The following FILIP1L variants were observed in gnomAD, a reference collection of about 807,000 sequenced individuals.
The protein encoded by FILIP1L is filamin A-interacting protein 1-like.
FILIP1L carries 55 observed loss-of-function variants against 96.6 expected under a neutral mutation model. The ratio of observed to expected loss-of-function variants is 0.57; its 90% CI spans 0.46 to 0.71. The LOEUF is 0.71. Ranked by LOEUF, FILIP1L falls within the 30% of genes least tolerant of loss-of-function variation. The pLI is 0.00. For missense variants in FILIP1L, 1,304 were observed against 1,321.2 expected (o/e 0.99, Z 0.20); for synonymous variants, 467 against 473.9 (o/e 0.99, Z 0.19).
chr3:99,967,361 T>C (rs1708684697), intron 1 of FILIP1L, among the ~76,000 whole-genome samples: 1 of 152,224 alleles, frequency 6.6e-6, no homozygotes, highest in South Asian at 2.1e-4. Flanking sequence ...GCACTTTACA[T>C]GCATTGAGAG....
At chr3:100,000,425 G>A (rs191174805) in intron 1 of FILIP1L, among the ~76,000 whole-genome samples, 23 of 152,228 alleles carry the variant, frequency 1.5e-4, no homozygotes, top group Non-Finnish European at 1.2e-4. Flanking sequence ...TGTGAATGTC[G>A]TCAGCTGTAG....
intron 1 of FILIP1L, among the ~76,000 whole-genome samples, chr3:100,110,504 G>GA (rs2066473154): frequency 6.6e-6 from 1 of 151,952 alleles, no homozygotes; most frequent in Non-Finnish European, 1.5e-5. Flanking sequence ...CACAAATAGA[G>GA]AAAAAAGTAG....
chr3:99,858,694 T>C (rs893856830), intron 4 of FILIP1L, among the ~76,000 whole-genome samples: 2 of 152,168 alleles, frequency 1.3e-5, no homozygotes, highest in African/African-American at 4.8e-5. Context: ...TCACACGTCA[T>C]GGAGCCTCTG....
At position 99,848,707 on chromosome 3, in the gene FILIP1L, CA is replaced by C; in HGVS notation, c.2968del (p.Cys990ValfsTer4). 1 of 1,614,160 alleles carries C rather than the reference CA, an allele frequency of 6.2e-7. No homozygotes were observed. Among genetic ancestry groups the C allele is most frequent in the Non-Finnish European group, 8.5e-7 (1 of 1,180,036 alleles). Reference sequence around the variant, plus strand: ...TGTCCTTTCTGGAGTTAGAGAACCACAAGACTCTGGGGTCTGTGCTCTGGCA... The same window carrying C: ...TGTCCTTTCTGGAGTTAGAGAACCACAGACTCTGGGGTCTGTGCTCTGGCA... ...TFARAQTPES[C>X]GSLTPERTMS... is the part of the protein sequence containing the mutation. On this transcript the variant is annotated frameshift_variant, in exon 5 of 6. Transcript: ENST00000477258. LOFTEE classifies it high-confidence loss of function.
intron 1 of FILIP1L, among the ~76,000 whole-genome samples, chr3:100,096,324 A>G (rs565359014): frequency 6.6e-6 from 1 of 152,354 alleles, no homozygotes; most frequent in South Asian, 2.1e-4. Flanking sequence ...TGTTCATTGC[A>G]GCACTGTTCA....
At chr3:99,970,348 G>A (rs866145046) in intron 1 of FILIP1L, among the ~76,000 whole-genome samples, 1 of 152,348 alleles carries the variant, frequency 6.6e-6, no homozygotes, top group Middle Eastern at 3.4e-3. Context: ...AGGCCTTCTG[G>A]TGTGTGAGGT....
intron 5 of FILIP1L, among the ~76,000 whole-genome samples, chr3:99,842,704 AAAG>A (rs998101832): frequency 1.2e-4 from 18 of 152,328 alleles, no homozygotes; most frequent in African/African-American, 4.1e-4. Flanking sequence ...GCCACAAATA[AAAG>A]TGATTATCCC....
rs565324446 is a variant in FILIP1L at position 100,089,542 on chromosome 3, A to C, written c.-11+24511T>G. Among the ~76,000 whole-genome samples the C allele has an allele frequency of 3.9e-5, 6 of 152,338 alleles. No individual in the cohort carries two copies. In the East Asian group the frequency reaches 1.2e-3, roughly 29 times the overall value. On this transcript the variant is annotated intron_variant, in intron 1 of 5. Coordinates refer to ENST00000477258, the MANE Select transcript of FILIP1L (RefSeq NM_001387850.1). Reference sequence around the variant, plus strand: ...TATAAGTCAAAGCCTCATGTCAAGCAAAAAGGATAGGAAGCAGAAACATTT... The same window carrying C: ...TATAAGTCAAAGCCTCATGTCAAGCCAAAAGGATAGGAAGCAGAAACATTT...
At chr3:100,077,897 G>A (rs1480408448) in intron 1 of FILIP1L, among the ~76,000 whole-genome samples, 1 of 152,020 alleles carries the variant, frequency 6.6e-6, no homozygotes, top group Admixed American at 6.5e-5. Context: ...GACAGAATAA[G>A]ACCCTGTCTC....
chr3:99,871,110 A>G (rs1178961441), intron 4 of FILIP1L, among the ~76,000 whole-genome samples: 7 of 152,200 alleles, frequency 4.6e-5, no homozygotes, highest in Admixed American at 4.6e-4. Context: ...TGCCATACAA[A>G]GCAGATTTCA....
At chr3:100,097,254 C>T (rs1166574750) in intron 1 of FILIP1L, among the ~76,000 whole-genome samples, 2 of 152,194 alleles carry the variant, frequency 1.3e-5, no homozygotes, top group African/African-American at 4.8e-5. Context: ...CCATCCCATC[C>T]GTGGAAAAAT....
intron 1 of FILIP1L, among the ~76,000 whole-genome samples, chr3:100,110,578 G>A (rs1009553495): frequency 3.3e-5 from 5 of 152,034 alleles, no homozygotes; most frequent in Non-Finnish European, 5.9e-5. Flanking sequence ...CAGGAAGAAC[G>A]TAAAAAAAGA....
rs550439833 is a variant in FILIP1L at position 99,992,012 on chromosome 3, G to GTA, written c.-10-60984_-10-60983dup. Reference sequence around the variant, plus strand: ...TATATACGTATATATATGTGTGTGTGTATATATATATATACGTGTATATAT... The same window carrying GTA: ...TATATACGTATATATATGTGTGTGTGTATATATATATATATACGTGTATATAT... On this transcript the variant is annotated intron_variant, in intron 1 of 5. Coordinates refer to ENST00000477258, the MANE Select transcript of FILIP1L (RefSeq NM_001387850.1). 7.7e-4 allele frequency among the ~76,000 whole-genome samples: 112 copies of GTA among 145,582 alleles called. 2 individuals carry two copies. The highest frequency in any genetic ancestry group is 7.2e-3 in the Middle Eastern group (2 of 276).
chr3:100,042,635 G>A (rs1031944068), intron 1 of FILIP1L, among the ~76,000 whole-genome samples: 5 of 152,176 alleles, frequency 3.3e-5, no homozygotes, highest in African/African-American at 4.8e-5. Flanking sequence ...CATGCCAGAT[G>A]ATACTGTATT....
chr3:99,969,307 TCTTGAG>T (rs1198175535), intron 1 of FILIP1L, among the ~76,000 whole-genome samples: 1 of 152,214 alleles, frequency 6.6e-6, no homozygotes, highest in African/African-American at 2.4e-5. Flanking sequence ...TTGTTTGGGC[TCTTGAG>T]CAATATGACA....
chr3:99,972,048 T>C (rs1708838369), intron 1 of FILIP1L, among the ~76,000 whole-genome samples: 1 of 152,164 alleles, frequency 6.6e-6, no homozygotes, highest in African/African-American at 2.4e-5. Context: ...ATAGTTTGAC[T>C]AAGCAGTTAA....
intron 1 of FILIP1L, among the ~76,000 whole-genome samples, chr3:100,017,672 C>T (rs879280130): frequency 6.6e-6 from 1 of 152,162 alleles, no homozygotes; most frequent in Non-Finnish European, 1.5e-5. Flanking sequence ...CACCTGTAGT[C>T]CCAGCACTTT....
At chr3:100,044,246 C>T (rs987457320) in intron 1 of FILIP1L, among the ~76,000 whole-genome samples, 2 of 152,106 alleles carry the variant, frequency 1.3e-5, no homozygotes, top group African/African-American at 2.4e-5. Context: ...TGGGCACAAG[C>T]GATGCAGTTG....
intron 1 of FILIP1L, among the ~76,000 whole-genome samples, chr3:99,988,535 GA>G (rs1439495708): frequency 5.1e-5 from 7 of 136,772 alleles, no homozygotes; most frequent in Admixed American, 2.2e-4. Flanking sequence ...AAAAAAGAAA[GA>G]AAAGGAAAAA....
Sources: allele counts gnomAD v4.1 joint callset (sites outside exome capture counted in the v4.1 genomes callset), GRCh38; gene constraint gnomAD v4.1.1; transcripts MANE v1.5; gene names NCBI Gene and HGNC (gene_info 2026-07-23, HGNC 2026-07-21).